The following TEX26 variants were observed in gnomAD, a reference collection of about 807,000 sequenced individuals.
TEX26 encodes testis-expressed protein 26.
Under a neutral mutation model 35.3 loss-of-function variants are expected in TEX26, and 34 were observed. That is an observed-to-expected ratio of 0.96 (90% confidence interval 0.73 to 1.28). TEX26 has a LOEUF of 1.28. TEX26 is among the 50% of genes most tolerant of loss of function. The pLI is 0.00. For missense variants in TEX26, 371 were observed against 330.1 expected (o/e 1.12, Z -0.96); for synonymous variants, 136 against 111.8 (o/e 1.22, Z -1.36).
At chr13:30,955,025 A>G (rs1005515304) in intron 3 of TEX26, among the ~76,000 whole-genome samples, 1 of 152,280 alleles carries the variant, frequency 6.6e-6, no homozygotes, top group East Asian at 1.9e-4. Flanking sequence ...CACAAGAAAA[A>G]CAACGATGTA....
chr13:30,941,880 T>C (rs750776184), intron 2 of TEX26, among the ~76,000 whole-genome samples: 3 of 152,198 alleles, frequency 2.0e-5, no homozygotes, highest in Non-Finnish European at 2.9e-5. Context: ...TATATATATA[T>C]ACACACCACT....
At chr13:30,945,445 G>C (rs1953671736) in intron 2 of TEX26, among the ~76,000 whole-genome samples, 1 of 151,476 alleles carries the variant, frequency 6.6e-6, no homozygotes, top group African/African-American at 2.4e-5. Context: ...GGCCATTTAT[G>C]TTCAATGTTC....
intron 5 of TEX26, among the ~76,000 whole-genome samples, chr13:30,967,995 C>T (rs7989160): frequency 0.14 from 21,915 of 152,128 alleles, 1,672 homozygotes; most frequent in African/African-American, 0.19. Context: ...AAAGAAGAAG[C>T]TTCTATGAGG....
chr13:30,960,911 TC>T (rs1386763051), intron 4 of TEX26, among the ~76,000 whole-genome samples: 40 of 152,166 alleles, frequency 2.6e-4, no homozygotes, highest in African/African-American at 8.7e-4. Context: ...AATATTAAAC[TC>T]CAAGGCTCAA....
At chr13:30,935,100 A>AG (rs757548905) in intron 1 of TEX26, among the ~76,000 whole-genome samples, 25 of 152,236 alleles carry the variant, frequency 1.6e-4, no homozygotes, top group Admixed American at 1.3e-4. Context: ...CTGCAGGCTC[A>AG]GGGGTATCTG....
rs749551232 is a variant in TEX26, at chr13:30,968,981, T to G, written c.743T>G (p.Leu248Ter). 1 of 1,614,156 alleles carries G rather than the reference T, an allele frequency of 6.2e-7. No homozygotes were observed. Among genetic ancestry groups the G allele is most frequent in the Non-Finnish European group, 8.5e-7 (1 of 1,180,002 alleles). The change falls in exon 6 of 7, where the codon TTA becomes TGA. Residue 248 changes from leucine (L) to a stop codon, truncating the protein, a stop_gained. Coordinates refer to ENST00000380473, the MANE Select transcript of TEX26 (RefSeq NM_152325.3). LOFTEE classifies it high-confidence loss of function. ...TACGACAAAACCTACCCAGATTTCT[T>G]AATGCTTTTAAACTCATTTACTTCC... ...SDYDKTYPDF[L>*]MLLNSFTSSQ...
chr13:30,974,898 G>T lies in TEX26; in HGVS notation c.861G>T (p.Lys287Asn). ...GTACTCACTGTGACACTAACAAAAA[G>T]AAGAAATGAAAAGGGAAAATAGTAC... The part of the protein sequence containing the change: ...FIRTHCDTNK[K>N]KK Residue 287 changes from lysine to asparagine, a missense_variant, in exon 7 of 7, where the codon AAG becomes AAT. Coordinates refer to ENST00000380473, the MANE Select transcript of TEX26 (RefSeq NM_152325.3). The T allele has an allele frequency of 6.4e-7, 1 of 1,561,084 alleles. No individual in the cohort carries two copies. The highest frequency in any genetic ancestry group is 8.7e-7 in the Non-Finnish European group (1 of 1,155,810).
chr13:30,937,944 G>T (rs1273553446), intron 1 of TEX26, among the ~76,000 whole-genome samples: 1 of 152,162 alleles, frequency 6.6e-6, no homozygotes, highest in East Asian at 1.9e-4. Flanking sequence ...ATAAATATTT[G>T]GCCAGAGCTC....
chr13:30,955,875 C>A (rs942613006), intron 3 of TEX26, among the ~76,000 whole-genome samples: 1 of 152,004 alleles, frequency 6.6e-6, no homozygotes, highest in Admixed American at 6.5e-5. Flanking sequence ...GTGGCTGGGA[C>A]ACGGTTGGTG....
chr13:30,940,242 A>G lies in TEX26; in HGVS notation c.146+464A>G, dbSNP rs139829266. Among the ~76,000 whole-genome samples the G allele has an allele frequency of 7.4e-3, 1,100 of 149,362 alleles. 8 individuals carry two copies. The highest frequency in any genetic ancestry group is 0.012 in the Non-Finnish European group (795 of 67,594). On this transcript the variant is annotated intron_variant, in intron 2 of 6. Coordinates refer to ENST00000380473, the MANE Select transcript of TEX26 (RefSeq NM_152325.3). ...CCCCTCTTCTTACCTCCACTCCTCC[A>G]GATACTGCAATATTGGCTTCAGCTT...
chr13:30,973,620 A>G (rs1389911529), intron 6 of TEX26: 1 of 152,224 alleles, frequency 6.6e-6, no homozygotes. Flanking sequence ...TGAAGACATA[A>G]TTGGAGAGAA....
chr13:30,938,064 G>T (rs1041691292), intron 1 of TEX26, among the ~76,000 whole-genome samples: 2 of 152,162 alleles, frequency 1.3e-5, no homozygotes, highest in Admixed American at 6.5e-5. Flanking sequence ...CAGGCAATGA[G>T]GTGGCTACAG....
At chr13:30,948,127 T>C (rs936597523) in intron 2 of TEX26, among the ~76,000 whole-genome samples, 11 of 152,334 alleles carry the variant, frequency 7.2e-5, no homozygotes, top group African/African-American at 2.6e-4. Flanking sequence ...ATTTTCTTAA[T>C]CCAGTCTATC....
At chr13:30,937,752 T>G (rs1953327631) in intron 1 of TEX26, among the ~76,000 whole-genome samples, 1 of 152,182 alleles carries the variant, frequency 6.6e-6, no homozygotes, top group South Asian at 2.1e-4. Flanking sequence ...GGGCTAAGGC[T>G]TCAGTTATCT....
intron 4 of TEX26, among the ~76,000 whole-genome samples, chr13:30,962,951 T>C (rs1282143704): frequency 6.6e-6 from 1 of 151,842 alleles, no homozygotes; most frequent in Non-Finnish European, 1.5e-5. Context: ...GCCTCCCGAG[T>C]AGCTGGGACT....
At chr13:30,937,434 G>A (rs1252743865) in intron 1 of TEX26, among the ~76,000 whole-genome samples, 4 of 152,186 alleles carry the variant, frequency 2.6e-5, no homozygotes, top group Non-Finnish European at 4.4e-5. Flanking sequence ...GAAAATTTAT[G>A]TGTGGCTTTT....
intron 4 of TEX26, among the ~76,000 whole-genome samples, chr13:30,960,249 CTGTT>C (rs1030542995): frequency 6.6e-6 from 1 of 151,494 alleles, no homozygotes; most frequent in African/African-American, 2.4e-5. Flanking sequence ...TTTGTTTTGT[CTGTT>C]TGTTTGTTTT....
At chr13:30,962,207 T>C (rs1422027100) in intron 4 of TEX26, among the ~76,000 whole-genome samples, 1 of 152,222 alleles carries the variant, frequency 6.6e-6, no homozygotes, top group African/African-American at 2.4e-5. Context: ...TGCAAACTGA[T>C]GTCACTTTAT....
At chr13:30,957,246 G>C (rs1954173648) in intron 4 of TEX26, among the ~76,000 whole-genome samples, 1 of 152,128 alleles carries the variant, frequency 6.6e-6, no homozygotes, top group South Asian at 2.1e-4. Context: ...AGCTTAGTGT[G>C]GGATAGGGGG....
Sources: allele counts gnomAD v4.1 joint callset (sites outside exome capture counted in the v4.1 genomes callset), GRCh38; gene constraint gnomAD v4.1.1; transcripts MANE v1.5; gene names NCBI Gene and HGNC (gene_info 2026-07-23, HGNC 2026-07-21).